The following WWOX variants were observed in gnomAD, a reference collection of about 807,000 sequenced individuals.
WWOX encodes the protein WW domain containing oxidoreductase.
Under a neutral mutation model 46.2 loss-of-function variants are expected in WWOX, and 69 were observed. The observed-to-expected ratio is 1.49, with a 90% CI of 1.23 to 1.82. The LOEUF is 1.82. Among genes scored for constraint, WWOX ranks in the 40% most tolerant of loss-of-function variants. WWOX has a pLI of 0.00. For missense variants in WWOX, 919 were observed against 542.6 expected (o/e 1.69, Z -6.89); for synonymous variants, 359 against 202.6 (o/e 1.77, Z -6.56).
chr16:79,142,379 C>T (rs934192862), intron 8 of WWOX, among the ~76,000 whole-genome samples: 3 of 152,182 alleles, frequency 2.0e-5, no homozygotes, highest in Non-Finnish European at 2.9e-5. Context: ...TTACCCATCT[C>T]CCATGTTTAG....
chr16:79,021,137 T>A (rs1330327836), intron 8 of WWOX, among the ~76,000 whole-genome samples: 1 of 152,198 alleles, frequency 6.6e-6, no homozygotes, highest in Non-Finnish European at 1.5e-5. Flanking sequence ...ATTATATATT[T>A]GTTGAATGAA....
intron 8 of WWOX, among the ~76,000 whole-genome samples, chr16:78,730,204 C>G (rs181181773): frequency 1.6e-4 from 24 of 152,188 alleles, no homozygotes; most frequent in East Asian, 7.8e-4. Context: ...TACATATGGT[C>G]AAGTTGCTTC....
At chr16:78,326,577 GCCCCC>G (rs60010994) in intron 5 of WWOX, among the ~76,000 whole-genome samples, 4 of 32,778 alleles carry the variant, frequency 1.2e-4, no homozygotes, top group Admixed American at 3.8e-4. Context: ...CCCTCCCCCC[GCCCCC>G]CCCCCCCGCA....
rs146243930 is a variant in WWOX at position 78,245,932 on chromosome 16, C to G, written c.516+81643C>G. ...AACAAAGAGGGGGAATTCTAACCCT[C>G]TTGCCACCTCTGTTCTCGTCCGTTC... is the stretch of plus-strand genomic sequence containing the variant. On this transcript the variant is annotated intron_variant, in intron 5 of 8. Transcript: ENST00000566780. Among the ~76,000 whole-genome samples, 685 of 152,332 alleles carry G rather than the reference C, an allele frequency of 4.5e-3. 4 individuals carry two copies. Among genetic ancestry groups the G allele is most frequent in the Non-Finnish European group, 7.4e-3 (503 of 68,036 alleles).
At chr16:78,142,502 A>C (rs957240271) in intron 4 of WWOX, among the ~76,000 whole-genome samples, 3 of 152,246 alleles carry the variant, frequency 2.0e-5, no homozygotes, top group African/African-American at 7.2e-5. Context: ...TCACAGTTAT[A>C]TTTGTGGTAT....
At chr16:79,000,464 T>C (rs1440603615) in intron 8 of WWOX, among the ~76,000 whole-genome samples, 1 of 152,042 alleles carries the variant, frequency 6.6e-6, no homozygotes, top group African/African-American at 2.4e-5. Flanking sequence ...GAATCAGAGA[T>C]GGGGAAAAGA....
intron 8 of WWOX, among the ~76,000 whole-genome samples, chr16:78,978,024 A>G (rs1026554045): frequency 6.6e-6 from 1 of 152,196 alleles, no homozygotes; most frequent in Non-Finnish European, 1.5e-5. Context: ...AGTCTGTACC[A>G]ATTAAGCAGC....
chr16:78,210,095 C>G (rs1207974493), intron 5 of WWOX, among the ~76,000 whole-genome samples: 1 of 152,140 alleles, frequency 6.6e-6, no homozygotes, highest in South Asian at 2.1e-4. Context: ...AGCTGAAGTT[C>G]CAGACGCCGA....
chr16:78,393,754 C>G (rs1198412614), intron 6 of WWOX, among the ~76,000 whole-genome samples: 1 of 151,958 alleles, frequency 6.6e-6, no homozygotes, highest in African/African-American at 2.4e-5. Flanking sequence ...ATTTTTATGT[C>G]TCTTCTGAAC....
intron 8 of WWOX, among the ~76,000 whole-genome samples, chr16:78,975,973 G>C (rs560633555): frequency 6.6e-6 from 1 of 152,086 alleles, no homozygotes; most frequent in African/African-American, 2.4e-5. Context: ...TTTAGTTGCC[G>C]GTGCTTGGAA....
intron 8 of WWOX, among the ~76,000 whole-genome samples, chr16:78,728,331 A>G (rs1463589069): frequency 6.6e-6 from 1 of 152,018 alleles, no homozygotes; most frequent in African/African-American, 2.4e-5. Flanking sequence ...TGGCCTCCCA[A>G]AGTGCTAGGA....
chr16:78,419,646 A>G (rs922041198), intron 6 of WWOX, among the ~76,000 whole-genome samples: 1 of 150,186 alleles, frequency 6.7e-6, no homozygotes, highest in Non-Finnish European at 1.5e-5. Flanking sequence ...AAAAAAAAAA[A>G]AAAAGGGTCA....
At chr16:79,054,923 AT>A (rs1377518812) in intron 8 of WWOX, among the ~76,000 whole-genome samples, 1 of 152,202 alleles carries the variant, frequency 6.6e-6, no homozygotes, top group Admixed American at 6.5e-5. Context: ...ATTAAAAGCA[AT>A]TGCAGCAAAT....
intron 8 of WWOX, among the ~76,000 whole-genome samples, chr16:78,797,538 G>A (rs1197217182): frequency 6.6e-6 from 1 of 152,134 alleles, no homozygotes; most frequent in Non-Finnish European, 1.5e-5. Flanking sequence ...TTGAGGCACT[G>A]TTCCAACTCC....
chr16:78,874,231 G>A (rs187395609), intron 8 of WWOX, among the ~76,000 whole-genome samples: 2 of 151,128 alleles, frequency 1.3e-5, no homozygotes, highest in East Asian at 3.9e-4. Flanking sequence ...ACTCTAGCAT[G>A]GGCGACAGAG....
At chr16:79,096,889 C>A (rs1000901980) in intron 8 of WWOX, among the ~76,000 whole-genome samples, 1 of 151,956 alleles carries the variant, frequency 6.6e-6, no homozygotes, top group African/African-American at 2.4e-5. Flanking sequence ...TCACTAGATT[C>A]TTTATACTCT....
intron 5 of WWOX, among the ~76,000 whole-genome samples, chr16:78,380,351 C>T (rs972883240): frequency 1.3e-5 from 2 of 152,118 alleles, no homozygotes; most frequent in Non-Finnish European, 2.9e-5. Context: ...TGTGCATGAG[C>T]CTTTTGAACC....
At chr16:78,426,972 T>C (rs573585446) in intron 7 of WWOX, among the ~76,000 whole-genome samples, 2 of 152,282 alleles carry the variant, frequency 1.3e-5, no homozygotes, top group East Asian at 3.9e-4. Flanking sequence ...TCTTTGCACA[T>C]TATTTAAGGG....
chr16:79,125,211 T>G (rs374830621), intron 8 of WWOX, among the ~76,000 whole-genome samples: 5 of 152,208 alleles, frequency 3.3e-5, no homozygotes, highest in East Asian at 3.9e-4. Flanking sequence ...AGATGTATAT[T>G]ACAGCTGTAG....
Sources: allele counts gnomAD v4.1 joint callset (sites outside exome capture counted in the v4.1 genomes callset), GRCh38; gene constraint gnomAD v4.1.1; transcripts MANE v1.5; gene names NCBI Gene and HGNC (gene_info 2026-07-23, HGNC 2026-07-21).